ITGA1: variants seen among roughly 807,000 people sequenced by gnomAD.
ITGA1 encodes integrin alpha-1.
ITGA1 carries 85 observed loss-of-function variants against 145.9 expected under a neutral mutation model. The ratio of observed to expected loss-of-function variants is 0.58; its 90% CI spans 0.49 to 0.70. ITGA1 has a LOEUF of 0.70. ITGA1 is among the 30% of genes least tolerant of loss of function. The pLI is 0.00. For synonymous variants in ITGA1, 520 were observed against 495.3 expected, an observed-to-expected ratio of 1.05 and a Z score of -0.66; for missense variants, 1,351 against 1,418.7, an observed-to-expected ratio of 0.95 and a Z score of 0.77.
At chr5:52,898,415 T>C in intron 11 of ITGA1, 32 bp downstream of exon 11, 3 of 1,543,968 alleles carry the variant, frequency 1.9e-6, no homozygotes, top group Non-Finnish European at 2.6e-6. Context: ...AAAAGAGTTG[T>C]TTTACTTTTC....
chr5:52,922,026 C>G (rs541081160), intron 17 of ITGA1, among the ~76,000 whole-genome samples: 26 of 152,164 alleles, frequency 1.7e-4, no homozygotes, highest in African/African-American at 6.3e-4. Context: ...CTTGGCCAGG[C>G]ATGGTGGCTC....
chr5:52,793,599 A>C (rs1208468121), intron 1 of ITGA1, among the ~76,000 whole-genome samples: 2 of 152,036 alleles, frequency 1.3e-5, no homozygotes, highest in Admixed American at 1.3e-4. Flanking sequence ...ACTTTTTACC[A>C]TGGTACTTTT....
chr5:52,930,810 GC>G (rs1490562278), intron 21 of ITGA1, among the ~76,000 whole-genome samples: 8 of 152,124 alleles, frequency 5.3e-5, no homozygotes, highest in Non-Finnish European at 1.2e-4. Flanking sequence ...CAGGGAGTGT[GC>G]ATTCTATCAT....
At position 52,918,723 on chromosome 5, in the gene ITGA1, T is replaced by C. The variant is rs1164450676; in HGVS notation, c.1989-9T>C. On this transcript the variant is annotated splice_polypyrimidine_tract_variant and intron_variant, in intron 15 of 28. Coordinates refer to ENST00000282588, the MANE Select transcript of ITGA1 (RefSeq NM_181501.2). ...AATGTGTGAGTAATCCCATTGTTTTTGTTTGTAGGTCCCGAGATGTGGCCG... is the reference window on the plus strand; with the variant it reads ...AATGTGTGAGTAATCCCATTGTTTTCGTTTGTAGGTCCCGAGATGTGGCCG... The C allele has an allele frequency of 2.0e-5, 32 of 1,597,276 alleles. No homozygotes were observed. The highest frequency in any genetic ancestry group is 2.5e-5 in the Non-Finnish European group (29 of 1,174,864).
intron 14 of ITGA1, among the ~76,000 whole-genome samples, chr5:52,910,986 T>A (rs1190874042): frequency 8.1e-6 from 1 of 123,970 alleles, no homozygotes; most frequent in Middle Eastern, 0.011. Flanking sequence ...ATAGTATGTA[T>A]ACTATATATA....
intron 26 of ITGA1, among the ~76,000 whole-genome samples, chr5:52,942,813 T>A (rs1197073881): frequency 1.3e-5 from 2 of 152,038 alleles, no homozygotes; most frequent in Non-Finnish European, 2.9e-5. Context: ...AGTGCTGGGA[T>A]TACAGGCGTG....
chr5:52,820,352 A>G (rs939919194), intron 1 of ITGA1, among the ~76,000 whole-genome samples: 5 of 73,592 alleles, frequency 6.8e-5, no homozygotes, highest in African/African-American at 3.0e-4. Flanking sequence ...GAAGGGGAAC[A>G]TCACACATCA....
rs778563705 is a variant in ITGA1, at chr5:52,893,853, A to G, written c.1090+13A>G. 8.8e-6 allele frequency: 14 copies of G among 1,592,294 alleles called. No homozygotes were observed. The East Asian group carries it at 3.1e-4, about 36-fold the overall frequency. On this transcript the variant is annotated intron_variant, in intron 9 of 28. Coordinates refer to ENST00000282588, the MANE Select transcript of ITGA1 (RefSeq NM_181501.2). ...TTTGCCCTGGAAGGTATGTCTATTT[A>G]TCTTATTGCTGCATGTTCTCTCTGC...
At chr5:52,870,871 G>A (rs1175490316) in intron 6 of ITGA1, among the ~76,000 whole-genome samples, 3 of 152,198 alleles carry the variant, frequency 2.0e-5, no homozygotes, top group Admixed American at 6.5e-5. Context: ...AAGGGTGTAG[G>A]TGAGATATCT....
At chr5:52,932,179 C>G (rs1750902188) in intron 22 of ITGA1, 43 bp downstream of exon 22, 2 of 1,222,446 alleles carry the variant, frequency 1.6e-6, no homozygotes, top group Non-Finnish European at 1.2e-6. Context: ...TTTCTATTAA[C>G]CCAGTGGTTC....
chr5:52,908,013 C>G (rs1378345306), intron 12 of ITGA1, among the ~76,000 whole-genome samples: 1 of 152,070 alleles, frequency 6.6e-6, no homozygotes, highest in East Asian at 1.9e-4. Context: ...TTTGCAATTG[C>G]CTTAGTAGAA....
intron 6 of ITGA1, among the ~76,000 whole-genome samples, chr5:52,873,031 A>G (rs111886103): frequency 0.017 from 2,591 of 152,296 alleles, 39 homozygotes; most frequent in South Asian, 0.03. Context: ...CATTTATGGA[A>G]GATAGTCTAG....
intron 2 of ITGA1, among the ~76,000 whole-genome samples, chr5:52,858,511 C>A (rs1749551440): frequency 1.3e-5 from 2 of 152,166 alleles, no homozygotes; most frequent in Non-Finnish European, 2.9e-5. Context: ...CATTTTATAT[C>A]CTCAGGACCT....
intron 27 of ITGA1, among the ~76,000 whole-genome samples, chr5:52,945,620 C>A (rs1481099757): frequency 6.6e-6 from 1 of 151,912 alleles, no homozygotes; most frequent in Admixed American, 6.6e-5. Context: ...GAGTAAGACC[C>A]CATCTCTAAA....
intron 8 of ITGA1, 89 bp downstream of exon 8, chr5:52,888,054 C>T (rs1311346477): frequency 3.0e-6 from 4 of 1,355,714 alleles, no homozygotes; most frequent in Non-Finnish European, 3.0e-6. Flanking sequence ...GTCACACAAA[C>T]CAGGTTGGAA....
intron 7 of ITGA1, among the ~76,000 whole-genome samples, chr5:52,883,180 G>T (rs1378778404): frequency 6.6e-6 from 1 of 152,172 alleles, no homozygotes; most frequent in Non-Finnish European, 1.5e-5. Flanking sequence ...TGTACCGAAT[G>T]CACCCCCATT....
At chr5:52,912,756 T>A (rs187764017) in intron 14 of ITGA1, among the ~76,000 whole-genome samples, 12,603 of 142,102 alleles carry the variant, frequency 0.089, 731 homozygotes, top group Non-Finnish European at 0.12. Flanking sequence ...ATATATATAT[T>A]TTTTTTTTGA....
intron 2 of ITGA1, among the ~76,000 whole-genome samples, chr5:52,859,717 C>T (rs568558724): frequency 6.6e-6 from 1 of 152,326 alleles, no homozygotes; most frequent in South Asian, 2.1e-4. Context: ...CCATGCCGAA[C>T]ATCCCCAACT....
chr5:52,832,494 C>G (rs1251208673), intron 1 of ITGA1, among the ~76,000 whole-genome samples: 1 of 152,190 alleles, frequency 6.6e-6, no homozygotes, highest in African/African-American at 2.4e-5. Context: ...GGTCTCATCC[C>G]TTCTACCCAT....
Sources: allele counts gnomAD v4.1 joint callset (sites outside exome capture counted in the v4.1 genomes callset), GRCh38; gene constraint gnomAD v4.1.1; transcripts MANE v1.5; gene names NCBI Gene and HGNC (gene_info 2026-07-23, HGNC 2026-07-21).